USP1: variants seen among roughly 807,000 people sequenced by gnomAD.
The protein encoded by USP1 is ubiquitin carboxyl-terminal hydrolase 1.
A neutral mutation model predicts 72.2 loss-of-function variants in USP1; 18 were observed. That is an observed-to-expected ratio of 0.25 (90% CI 0.17 to 0.37). The LOEUF is 0.37. Ranked by LOEUF, USP1 falls within the 10% of genes least tolerant of loss-of-function variation. The pLI is 1.00. For missense variants in USP1, 759 were observed against 884.9 expected (o/e 0.86, Z 1.81); for synonymous variants, 354 against 303.7 (o/e 1.17, Z -1.72).
chr1:62,443,857 A>T (rs560023204), intron 5 of USP1, among the ~76,000 whole-genome samples: 1 of 152,228 alleles, frequency 6.6e-6, no homozygotes, highest in Non-Finnish European at 1.5e-5. Context: ...GAAACTTTAC[A>T]TATAAAATAG....
At chr1:62,442,383 G>C (rs1010918695) in intron 4 of USP1, 84 bp downstream of exon 4, 14 of 923,526 alleles carry the variant, frequency 1.5e-5, no homozygotes, top group Admixed American at 1.2e-4. Context: ...GAAGAGGACT[G>C]GGGGGGTGGA....
Position 62,442,289 on chromosome 1 carries a change from A to G in USP1, c.386A>G (p.Gln129Arg). ...GAAGCTCTAAAGGATGAAGCCAATC[A>G]AAAAGACAAGGTAAGAAAAATAAAG... is the stretch of plus-strand genomic sequence containing the variant. ...KKEALKDEAN[Q>R]KDKGNCKEDS... Residue 129 changes from glutamine (Q) to arginine (R), a missense_variant, in exon 4 of 9, where the codon CAA becomes CGA. Coordinates refer to ENST00000339950, the MANE Select transcript of USP1 (RefSeq NM_003368.5). 1.3e-6 allele frequency: 2 copies of G among 1,588,794 alleles called. No homozygotes were observed. The highest frequency in any genetic ancestry group is 1.7e-6 in the Non-Finnish European group (2 of 1,166,294).
At chr1:62,438,183 C>T (rs1439535496) in intron 1 of USP1, among the ~76,000 whole-genome samples, 1 of 152,126 alleles carries the variant, frequency 6.6e-6, no homozygotes, top group Non-Finnish European at 1.5e-5. Flanking sequence ...GCTATTTCAC[C>T]TGCCTAATCA....
At position 62,442,303 on chromosome 1, in the gene USP1, A is replaced by G. The variant is rs374024118; in HGVS notation, c.396+4A>G. On this transcript the variant is annotated splice_donor_region_variant and intron_variant, in intron 4 of 8. Transcript: ENST00000339950. ...TGAAGCCAATCAAAAAGACAAGGTA[A>G]GAAAAATAAAGAACAGAAAATAATG... The G allele has an allele frequency of 1.7e-5, 27 of 1,557,344 alleles. No individual in the cohort carries two copies. The highest frequency in any genetic ancestry group is 2.4e-5 in the Non-Finnish European group (27 of 1,146,872).
chr1:62,446,074 T>C (rs1645170817), intron 6 of USP1, among the ~76,000 whole-genome samples: 1 of 152,210 alleles, frequency 6.6e-6, no homozygotes, highest in South Asian at 2.1e-4. Flanking sequence ...TGACATAAAC[T>C]GATGAAGGAC....
rs144817155 is a variant in USP1 at position 62,450,832 on chromosome 1, G to A, written c.2209G>A (p.Val737Met). The part of the protein sequence containing the change: ...SGFENKISYV[V>M]QSLKEYEGKW... ...ATTTGAGAACAAAATTTCATACGTA[G>A]TGCAAAGCTTAAAGGAGTATGAGGG... The change falls in exon 9 of 9, where the codon GTG (valine) becomes ATG (methionine). Residue 737 changes from valine (V) to methionine (M), a missense_variant. Physicochemically the swap from Val to Met is conservative, Grantham distance 21 (BLOSUM62 1). This residue lies in a region of USP1 where 159 missense variants were observed against 140.9 expected (regional missense o/e 1.13). Coordinates refer to ENST00000339950, the MANE Select transcript of USP1 (RefSeq NM_003368.5). 1,158 of 1,614,064 alleles carry A rather than the reference G, an allele frequency of 7.2e-4. No homozygotes were observed. Among genetic ancestry groups the A allele is most frequent in the Middle Eastern group, 9.9e-4 (6 of 6,058 alleles).
At chr1:62,446,350 A>T (rs994037019) in intron 6 of USP1, among the ~76,000 whole-genome samples, 1 of 152,210 alleles carries the variant, frequency 6.6e-6, no homozygotes, top group Non-Finnish European at 1.5e-5. Context: ...AGCCAAAAAA[A>T]AAAAAATCAA....
In USP1 at chr1:62,448,538, T is replaced by G; in HGVS notation, c.1494T>G (p.Ile498Met). ...AISQFASVER[I>M]VGEDKYFCEN... ...CACAATTTGCTTCAGTAGAAAGGATTGTAGGAGAAGATAAATATTTCTGTG... is the reference window on the plus strand; with the variant it reads ...CACAATTTGCTTCAGTAGAAAGGATGGTAGGAGAAGATAAATATTTCTGTG... The change falls in exon 8 of 9, where the codon ATT (isoleucine) becomes ATG (methionine). Residue 498 changes from isoleucine (I) to methionine (M), a missense_variant. Ile to Met is a conservative substitution (Grantham distance 10, BLOSUM62 1). Transcript: ENST00000339950. 6.2e-7 allele frequency: 1 copy of G among 1,613,948 alleles called. No homozygotes were observed. Among genetic ancestry groups the G allele is most frequent in the Non-Finnish European group, 8.5e-7 (1 of 1,179,934 alleles).
Position 62,451,006 on chromosome 1 carries a change from ATATT to A in USP1, c.*26_*29del, listed in dbSNP as rs774505623. On this transcript the variant is annotated 3_prime_UTR_variant, in exon 9 of 9. Transcript: ENST00000339950. The stretch of plus-strand genomic sequence containing the variant: ...GAGTGAGTGTATTTTCCTTGTGTAT[ATATT>A]AAACACACCCATACAAACATTGGTA... 3.3e-5 allele frequency: 50 copies of A among 1,536,654 alleles called. No individual in the cohort carries two copies. Among genetic ancestry groups the A allele is most frequent in the Non-Finnish European group, 3.8e-5 (44 of 1,151,214 alleles).
chr1:62,447,277 G>T, intron 6 of USP1, 64 bp from the exon 7 acceptor site: 2 of 1,438,922 alleles, frequency 1.4e-6, no homozygotes, highest in Non-Finnish European at 1.9e-6. Context: ...ATGGAAAATT[G>T]GTTATTTGGA....
At chr1:62,445,822 T>G (rs1161696055) in intron 6 of USP1, among the ~76,000 whole-genome samples, 2 of 151,996 alleles carry the variant, frequency 1.3e-5, no homozygotes, top group Admixed American at 1.3e-4. Flanking sequence ...CTACTAAAAA[T>G]GCAAAAATTA....
At chr1:62,448,076 G>A (rs940186705) in intron 7 of USP1, among the ~76,000 whole-genome samples, 29 of 152,164 alleles carry the variant, frequency 1.9e-4, no homozygotes, top group African/African-American at 5.8e-4. Context: ...GTGAGCCACC[G>A]CGCCTGGCCT....
chr1:62,443,762 T>C (rs1041414185), intron 5 of USP1, among the ~76,000 whole-genome samples: 7 of 152,196 alleles, frequency 4.6e-5, no homozygotes, highest in African/African-American at 1.7e-4. Context: ...GAACTGTAAA[T>C]TCCAAATATT....
At chr1:62,441,092 TCTTA>T (rs774081699) in intron 2 of USP1, among the ~76,000 whole-genome samples, 4 of 152,086 alleles carry the variant, frequency 2.6e-5, no homozygotes, top group East Asian at 1.9e-4. Flanking sequence ...ATTAATAGAA[TCTTA>T]CTTAGTGCAG....
At chr1:62,442,074 A>G (rs758240757) in intron 3 of USP1, 121 bp from the exon 4 acceptor site, 19 of 669,112 alleles carry the variant, frequency 2.8e-5, no homozygotes, top group Admixed American at 6.8e-5. Flanking sequence ...CACAAAACTT[A>G]ATCTCAGAAT....
intron 1 of USP1, among the ~76,000 whole-genome samples, chr1:62,438,320 G>A (rs2149203539): frequency 6.6e-6 from 1 of 152,254 alleles, no homozygotes; most frequent in East Asian, 1.9e-4. Context: ...TGAGAACTTA[G>A]CGCAGGTTGG....
chr1:62,441,816 T>G (rs1304247548), intron 3 of USP1, among the ~76,000 whole-genome samples: 1 of 152,240 alleles, frequency 6.6e-6, no homozygotes, highest in East Asian at 1.9e-4. Flanking sequence ...AAAGGTGGGA[T>G]AGCAAAATTG....
At chr1:62,440,125 T>C (rs954058865) in intron 2 of USP1, 88 bp downstream of exon 2, 8 of 1,214,346 alleles carry the variant, frequency 6.6e-6, no homozygotes, top group Non-Finnish European at 8.7e-6. Flanking sequence ...CTTGATAGTC[T>C]GTAGCGGCAC....
Position 62,441,548 on chromosome 1 carries a change from G to A in USP1, c.231G>A (p.Leu77=). 6.2e-7 allele frequency: 1 copy of A among 1,613,606 alleles called. No homozygotes were observed. Among genetic ancestry groups the A allele is most frequent in the Non-Finnish European group, 8.5e-7 (1 of 1,179,778 alleles). ...TAAACTGTGAGAAGAGAGAAAACTT[G>A]TTACCATTTGTGGGACTGAATAATC... The part of the protein sequence containing the change: ...SPINCEKREN[L]LPFVGLNNLG... Residue 77 remains leucine (L), a synonymous_variant, in exon 3 of 9, where the codon TTG becomes TTA. Transcript: ENST00000339950.
Sources: allele counts gnomAD v4.1 joint callset (sites outside exome capture counted in the v4.1 genomes callset), GRCh38; gene constraint gnomAD v4.1.1; regional missense constraint gnomAD v4.1.1; transcripts MANE v1.5; gene names NCBI Gene and HGNC (gene_info 2026-07-23, HGNC 2026-07-21).